Variants in EYS observed in about 807,000 individuals in gnomAD.
The protein encoded by EYS is protein eyes shut homolog.
EYS carries 250 observed loss-of-function variants against 282.1 expected under a neutral mutation model. The ratio of observed to expected loss-of-function variants is 0.89; its 90% confidence interval spans 0.80 to 0.98. The LOEUF is 0.98. EYS is among the 50% of genes least tolerant of loss of function. EYS has a pLI of 0.00. For synonymous variants in EYS, 1,355 were observed against 1,282.9 expected (o/e 1.06, Z -1.20); for missense variants, 4,016 against 3,709.0 (o/e 1.08, Z -2.15).
intron 36 of EYS, among the ~76,000 whole-genome samples, chr6:63,851,416 T>C (rs1051656612): frequency 2.0e-5 from 3 of 152,066 alleles, no homozygotes; most frequent in Admixed American, 2.0e-4. Context: ...TGACACATAA[T>C]TGGAAGTAAA....
intron 14 of EYS, among the ~76,000 whole-genome samples, chr6:64,985,214 A>C (rs1770815420): frequency 6.6e-6 from 1 of 151,580 alleles, no homozygotes; most frequent in African/African-American, 2.4e-5. Context: ...AGCCTGCGAA[A>C]GGTCTTAACC....
chr6:63,896,159 C>T (rs1288039405), intron 35 of EYS, among the ~76,000 whole-genome samples: 1 of 152,138 alleles, frequency 6.6e-6, no homozygotes, highest in African/African-American at 2.4e-5. Flanking sequence ...ATTTTCATAA[C>T]TCCAACCATC....
intron 22 of EYS, among the ~76,000 whole-genome samples, chr6:64,802,506 A>C (rs1186147600): frequency 6.6e-6 from 1 of 152,182 alleles, no homozygotes; most frequent in Non-Finnish European, 1.5e-5. Flanking sequence ...TGGCTAACAA[A>C]CTGCCACCAA....
intron 2 of EYS, among the ~76,000 whole-genome samples, chr6:65,624,250 G>A (rs944612408): frequency 6.6e-6 from 1 of 152,132 alleles, no homozygotes; most frequent in Non-Finnish European, 1.5e-5. Context: ...ATTAAACCCT[G>A]TATTTTAAAA....
At chr6:63,868,196 C>G (rs888346469) in intron 35 of EYS, among the ~76,000 whole-genome samples, 1 of 152,038 alleles carries the variant, frequency 6.6e-6, no homozygotes, top group Non-Finnish European at 1.5e-5. Context: ...AAAATACCAC[C>G]TATCTAAGCA....
chr6:65,499,878 T>C (rs1428643090), intron 2 of EYS, among the ~76,000 whole-genome samples: 1 of 151,968 alleles, frequency 6.6e-6, no homozygotes, highest in Non-Finnish European at 1.5e-5. Context: ...CTCCTACTAT[T>C]GGGAGACACC....
At chr6:64,271,617 A>T (rs2150357490) in intron 30 of EYS, among the ~76,000 whole-genome samples, 1 of 152,206 alleles carries the variant, frequency 6.6e-6, no homozygotes, top group South Asian at 2.1e-4. Context: ...TGTCATATGT[A>T]TTCTCTAAAC....
chr6:63,873,198 T>A (rs1772862019), intron 35 of EYS, among the ~76,000 whole-genome samples: 1 of 140,756 alleles, frequency 7.1e-6, no homozygotes. Context: ...TTGCCCACAC[T>A]GTGTCCAAGT....
At chr6:64,756,885 CTT>C (rs5876921) in intron 22 of EYS, among the ~76,000 whole-genome samples, 56 of 137,692 alleles carry the variant, frequency 4.1e-4, no homozygotes, top group East Asian at 1.2e-3. Context: ...AGCATCAGTG[CTT>C]TTTTTTTTTT....
At chr6:64,375,482 A>G (rs1223267059) in intron 29 of EYS, among the ~76,000 whole-genome samples, 2 of 152,236 alleles carry the variant, frequency 1.3e-5, no homozygotes, top group East Asian at 3.8e-4. Flanking sequence ...CTCGGCTAAT[A>G]TATGTTTGCA....
At chr6:64,525,958 C>T (rs1777904155) in intron 26 of EYS, among the ~76,000 whole-genome samples, 2 of 151,402 alleles carry the variant, frequency 1.3e-5, no homozygotes, top group African/African-American at 4.8e-5. Context: ...CAAAAAAATA[C>T]TGGAAAAAAA....
chr6:65,231,073 A>ATATATATAAGTGTATATATATATACTTT (rs1766759922), intron 12 of EYS, among the ~76,000 whole-genome samples: 1 of 146,544 alleles, frequency 6.8e-6, no homozygotes, highest in African/African-American at 2.5e-5. Context: ...GTACTTTTAT[A>ATATATATAAGTGTATATATATATACTTT]TATATATATG....
chr6:65,685,817 C>T (rs1401491120), intron 1 of EYS, among the ~76,000 whole-genome samples: 1 of 151,962 alleles, frequency 6.6e-6, no homozygotes, highest in Non-Finnish European at 1.5e-5. Context: ...GAAGGTACAA[C>T]AATGTTGCAA....
chr6:65,443,453 C>T (rs545616274), intron 5 of EYS, among the ~76,000 whole-genome samples: 4 of 146,048 alleles, frequency 2.7e-5, no homozygotes, highest in African/African-American at 9.7e-5. Flanking sequence ...GCCATATGTA[C>T]ATATACGCCA....
intron 8 of EYS, among the ~76,000 whole-genome samples, chr6:65,368,204 T>A (rs1159076356): frequency 4.0e-5 from 6 of 151,480 alleles, no homozygotes; most frequent in Non-Finnish European, 8.8e-5. Flanking sequence ...TTCAATTACC[T>A]CCCACTGGTT....
chr6:64,217,991 C>G (rs1765985589), intron 31 of EYS, among the ~76,000 whole-genome samples: 1 of 152,198 alleles, frequency 6.6e-6, no homozygotes, highest in African/African-American at 2.4e-5. Flanking sequence ...AGGAATCTCT[C>G]TGTTGCTGTC....
intron 29 of EYS, among the ~76,000 whole-genome samples, chr6:64,381,723 A>G (rs926252322): frequency 6.6e-6 from 1 of 152,228 alleles, no homozygotes; most frequent in Non-Finnish European, 1.5e-5. Context: ...TTGGATATGT[A>G]CATCTTCAAC....
At chr6:64,665,677 A>G (rs911287014) in intron 22 of EYS, among the ~76,000 whole-genome samples, 2 of 152,220 alleles carry the variant, frequency 1.3e-5, no homozygotes, top group African/African-American at 4.8e-5. Context: ...ACTATGCTTC[A>G]ATTGAACCAA....
At chr6:65,434,853 G>A (rs1396661646) in intron 5 of EYS, among the ~76,000 whole-genome samples, 1 of 151,992 alleles carries the variant, frequency 6.6e-6, no homozygotes, top group East Asian at 1.9e-4. Context: ...GTGAAGACCT[G>A]TTTGTCTCAT....
Sources: allele counts gnomAD v4.1 joint callset (sites outside exome capture counted in the v4.1 genomes callset), GRCh38; gene constraint gnomAD v4.1.1; transcripts MANE v1.5; gene names NCBI Gene and HGNC (gene_info 2026-07-23, HGNC 2026-07-21).